Variants in PCDH15 observed in about 807,000 individuals in gnomAD.
PCDH15 encodes the protein protocadherin related 15.
Under a neutral mutation model 178.5 loss-of-function variants are expected in PCDH15, and 129 were observed. The ratio of observed to expected loss-of-function variants is 0.72; its 90% CI spans 0.63 to 0.84. The LOEUF is 0.84. PCDH15 is among the 40% of genes least tolerant of loss of function. The pLI is 0.00. For synonymous variants in PCDH15, 800 were observed against 732.0 expected, an observed-to-expected ratio of 1.09 and a Z score of -1.50; for missense variants, 2,230 against 2,099.9, an observed-to-expected ratio of 1.06 and a Z score of -1.21.
At chr10:54,586,116 A>G (rs2091446622) in intron 2 of PCDH15, among the ~76,000 whole-genome samples, 1 of 152,176 alleles carries the variant, frequency 6.6e-6, no homozygotes, top group African/African-American at 2.4e-5. Flanking sequence ...TCACCTCTGT[A>G]ATATAATTTT....
intron 21 of PCDH15, among the ~76,000 whole-genome samples, chr10:53,964,415 A>AATTTTATTTATTCATAAAATTTTTATAC: frequency 7.5e-6 from 1 of 132,706 alleles, no homozygotes; most frequent in Non-Finnish European, 1.8e-5. Context: ...AATTTTTATA[A>AATTTTATTTATTCATAAAATTTTTATAC]ATTTTATTTA....
In PCDH15 at chr10:53,820,138, A is replaced by ATTAAAGGCTTACACAAT. The variant is rs1352609101; in HGVS notation, c.4433+10_4433+26dup. On this transcript the variant is annotated intron_variant, in intron 33 of 37. Transcript: ENST00000644397. ...ATTAGCTTAGAAAAGACACACTCAC[A>ATTAAAGGCTTACACAAT]TTAAAGGCTTACACAATTGTGAATA... The ATTAAAGGCTTACACAAT allele has an allele frequency of 8.6e-5, 34 of 397,594 alleles. No homozygotes were observed. The East Asian group carries it at 1.2e-3, about 14-fold the overall frequency. The allele number at this position is 397,594 out of a possible 1,614,324, so 24.6% of individuals were successfully genotyped here. A position where few individuals can be genotyped will look rare whatever the true frequency, so the allele number is the denominator to read the frequency against.
rs148112326 is a variant in PCDH15, at chr10:54,956,622, T to C, written c.-79-59122A>G. On this transcript the variant is annotated intron_variant, in intron 2 of 5. Transcript: ENST00000458638. ...CACGGTATATAAAATTAATACTATG[T>C]CATAACAATAATCTAAGAGATGGAA... is the stretch of plus-strand genomic sequence containing the variant. Among the ~76,000 whole-genome samples, 165 of 151,726 alleles carry C rather than the reference T, an allele frequency of 1.1e-3. 2 individuals carry two copies. Among genetic ancestry groups the C allele is most frequent in the African/African-American group, 3.9e-3 (161 of 41,524 alleles).
chr10:53,823,836 ATCATG>A, intron 32 of PCDH15: 1 of 455,918 alleles, frequency 2.2e-6, no homozygotes, highest in Non-Finnish European at 4.4e-6. Context: ...TCTCTGAGCC[ATCATG>A]TGGAATATCC....
At chr10:54,440,464 C>A (rs967592008) in intron 3 of PCDH15, among the ~76,000 whole-genome samples, 1 of 151,822 alleles carries the variant, frequency 6.6e-6, no homozygotes, top group African/African-American at 2.4e-5. Flanking sequence ...CTTATGATTT[C>A]ATCAATCAAC....
At chr10:54,879,336 T>C (rs1359140225) in intron 3 of PCDH15, among the ~76,000 whole-genome samples, 1 of 152,110 alleles carries the variant, frequency 6.6e-6, no homozygotes, top group East Asian at 1.9e-4. Context: ...TCTAGGCATT[T>C]TACTTGTAAT....
chr10:53,892,020 GTTTTTTTTTTTT>G (rs869122093), intron 26 of PCDH15, among the ~76,000 whole-genome samples: 1 of 91,864 alleles, frequency 1.1e-5, no homozygotes, highest in African/African-American at 4.3e-5. Context: ...TTACATCTAT[GTTTTTTTTTTTT>G]TTTTTTTTTT....
At chr10:55,314,882 G>A (rs1238809952) in intron 1 of PCDH15, among the ~76,000 whole-genome samples, 1 of 152,114 alleles carries the variant, frequency 6.6e-6, no homozygotes, top group Non-Finnish European at 1.5e-5. Flanking sequence ...TGAGATGACT[G>A]TAATGTTGGA....
At chr10:54,867,663 C>A (rs1177543839) in intron 3 of PCDH15, among the ~76,000 whole-genome samples, 1 of 152,020 alleles carries the variant, frequency 6.6e-6, no homozygotes, top group East Asian at 1.9e-4. Context: ...TAATATTATG[C>A]CAGATATTTT....
intron 2 of PCDH15, among the ~76,000 whole-genome samples, chr10:55,011,927 C>A (rs1174340277): frequency 6.6e-6 from 1 of 152,030 alleles, no homozygotes; most frequent in Non-Finnish European, 1.5e-5. Flanking sequence ...GGCGAGAAAT[C>A]AATTTTCAAT....
chr10:55,115,359 T>C (rs1054808778), intron 2 of PCDH15, among the ~76,000 whole-genome samples: 2 of 152,232 alleles, frequency 1.3e-5, no homozygotes, highest in African/African-American at 4.8e-5. Flanking sequence ...AGTCTTCTGT[T>C]ACTTCATTAA....
intron 15 of PCDH15, among the ~76,000 whole-genome samples, chr10:54,100,152 T>G (rs4454620): frequency 0.59 from 89,156 of 151,846 alleles, 26,897 homozygotes; most frequent in Middle Eastern, 0.68. Flanking sequence ...CAGATCACGA[T>G]GTCAGGAGTT....
At chr10:54,672,590 G>C (rs78882068) in intron 1 of PCDH15, among the ~76,000 whole-genome samples, 14,715 of 152,066 alleles carry the variant, frequency 0.097, 803 homozygotes, top group South Asian at 0.14. Flanking sequence ...CCAGAGGATG[G>C]CCTCCAGACA....
intron 2 of PCDH15, among the ~76,000 whole-genome samples, chr10:54,921,212 A>G (rs761574897): frequency 5.9e-5 from 9 of 152,190 alleles, no homozygotes; most frequent in Admixed American, 3.9e-4. Flanking sequence ...TTTCAACATT[A>G]TATAGAGGCT....
chr10:53,951,229 C>T (rs2087001903), intron 23 of PCDH15, among the ~76,000 whole-genome samples: 1 of 152,022 alleles, frequency 6.6e-6, no homozygotes, highest in Non-Finnish European at 1.5e-5. Flanking sequence ...AAGAAACTAC[C>T]TAATCACTTG....
rs779850782 is a variant in PCDH15 at position 53,827,399 on chromosome 10, C to T, written c.4361G>A (p.Ser1454Asn). 1 of 1,611,686 alleles carries T rather than the reference C, an allele frequency of 6.2e-7. No individual in the cohort carries two copies. Among genetic ancestry groups the T allele is most frequent in the Non-Finnish European group, 8.5e-7 (1 of 1,178,458 alleles). Residue 1454 changes from serine to asparagine, a missense_variant, in exon 32 of 38, where the codon AGC becomes AAC. Physicochemically the swap from Ser to Asn is conservative, Grantham distance 46. Transcript: ENST00000644397. ...TCCTGAACGGTCTACTTACATTGAG[C>T]TGTCTCCAAGTTCTTCATAGAGATG... is the stretch of plus-strand genomic sequence containing the variant. ...GAHLYEELGD[S>N]SIWSFCWQLV... is the part of the protein sequence containing the mutation.
intron 2 of PCDH15, among the ~76,000 whole-genome samples, chr10:54,588,453 A>C (rs2091650850): frequency 6.6e-6 from 1 of 152,198 alleles, no homozygotes; most frequent in African/African-American, 2.4e-5. Context: ...ATACATCTTC[A>C]TATTAATTTG....
intron 2 of PCDH15, among the ~76,000 whole-genome samples, chr10:55,412,309 C>G (rs1838357796): frequency 6.6e-6 from 1 of 151,740 alleles, no homozygotes; most frequent in South Asian, 2.1e-4. Flanking sequence ...TTTGATTTTT[C>G]CTTTTTAAAA....
chr10:53,988,294 T>C (rs1261824618), intron 21 of PCDH15, among the ~76,000 whole-genome samples: 1 of 152,148 alleles, frequency 6.6e-6, no homozygotes, highest in African/African-American at 2.4e-5. Flanking sequence ...AGATAAGGTT[T>C]CTGCCAGCCC....
Sources: gnomAD v4.1 joint callset for allele counts (sites outside exome capture counted in the v4.1 genomes callset) on GRCh38, gnomAD v4.1.1 for gene constraint, MANE v1.5 for transcripts, NCBI Gene and HGNC (gene_info 2026-07-23, HGNC 2026-07-21) for gene names.